ATG10: variants seen among roughly 807,000 people sequenced by gnomAD.
ATG10 encodes ubiquitin-like-conjugating enzyme ATG10.
Under a neutral mutation model 32.1 loss-of-function variants are expected in ATG10, and 30 were observed. That is an observed-to-expected ratio of 0.94 (90% CI 0.70 to 1.27). The LOEUF (loss-of-function observed/expected upper bound fraction) is 1.27, where lower values mean the gene tolerates loss of function less well. ATG10 is among the 50% of genes most tolerant of loss of function. The pLI, the probability that ATG10 is intolerant of heterozygous loss-of-function variation, is 0.00. For missense variants in ATG10, 233 were observed against 262.3 expected, an observed-to-expected ratio of 0.89 and a Z score of 0.77; for synonymous variants, 87 against 91.5, an observed-to-expected ratio of 0.95 and a Z score of 0.28.
At chr5:82,153,080 A>T (rs1437725914) in intron 3 of ATG10, among the ~76,000 whole-genome samples, 9 of 152,232 alleles carry the variant, frequency 5.9e-5, no homozygotes, top group Admixed American at 2.6e-4. Flanking sequence ...AAGTCTGCCA[A>T]CTGGATAAGG....
At chr5:82,185,802 CTCTAGTAATAA>C (rs1185356842) in intron 5 of ATG10, among the ~76,000 whole-genome samples, 1 of 152,118 alleles carries the variant, frequency 6.6e-6, no homozygotes, top group Admixed American at 6.6e-5. Context: ...ATTGTGCTTC[CTCTAGTAATAA>C]TCTTAAGTGC....
chr5:82,083,788 A>C (rs2149785185), intron 3 of ATG10, among the ~76,000 whole-genome samples: 1 of 152,346 alleles, frequency 6.6e-6, no homozygotes, highest in Non-Finnish European at 1.5e-5. Context: ...AAAATGAACA[A>C]ACAGAAAGGA....
chr5:82,173,740 CGAA>C (rs760751135), intron 4 of ATG10, among the ~76,000 whole-genome samples: 3 of 152,086 alleles, frequency 2.0e-5, no homozygotes, highest in African/African-American at 4.8e-5. Flanking sequence ...GGATCTGAAA[CGAA>C]GGAGTTGTTG....
chr5:82,131,304 T>G (rs2149841904), intron 3 of ATG10, among the ~76,000 whole-genome samples: 1 of 152,318 alleles, frequency 6.6e-6, no homozygotes, highest in South Asian at 2.1e-4. Context: ...CAAATCTTCA[T>G]TCTGGCATGT....
intron 3 of ATG10, among the ~76,000 whole-genome samples, chr5:82,162,167 G>A (rs13435939): frequency 0.13 from 19,134 of 151,752 alleles, 1,566 homozygotes; most frequent in African/African-American, 0.23. Flanking sequence ...TATTATTTCC[G>A]ATGTACAAAG....
At chr5:82,137,570 C>T (rs899727367) in intron 3 of ATG10, among the ~76,000 whole-genome samples, 14 of 152,216 alleles carry the variant, frequency 9.2e-5, no homozygotes, top group Non-Finnish European at 2.1e-4. Flanking sequence ...AGATTGCTGC[C>T]TGCTTTTTCT....
At chr5:82,133,121 A>G (rs1465228294) in intron 3 of ATG10, among the ~76,000 whole-genome samples, 1 of 152,134 alleles carries the variant, frequency 6.6e-6, no homozygotes, top group Non-Finnish European at 1.5e-5. Context: ...AGTTCTTTGT[A>G]GATTCTGGAT....
At chr5:82,029,227 A>C (rs757772348) in intron 2 of ATG10, among the ~76,000 whole-genome samples, 3 of 152,210 alleles carry the variant, frequency 2.0e-5, no homozygotes, top group Non-Finnish European at 2.9e-5. Context: ...ATTTGGAGAA[A>C]AGTGATAAAT....
At chr5:81,987,345 G>A (rs1230689087) in intron 1 of ATG10, among the ~76,000 whole-genome samples, 3 of 152,094 alleles carry the variant, frequency 2.0e-5, no homozygotes, top group Non-Finnish European at 2.9e-5. Context: ...GGCTGGTCTC[G>A]AACTCCTGGG....
intron 3 of ATG10, among the ~76,000 whole-genome samples, chr5:82,123,536 A>G (rs1054310562): frequency 6.6e-6 from 1 of 152,036 alleles, no homozygotes; most frequent in Non-Finnish European, 1.5e-5. Flanking sequence ...AAAAAAAAAA[A>G]AGCATAATTA....
At chr5:82,115,863 A>G (rs935530054) in intron 3 of ATG10, among the ~76,000 whole-genome samples, 3 of 152,090 alleles carry the variant, frequency 2.0e-5, no homozygotes, top group African/African-American at 2.4e-5. Flanking sequence ...AGCTTGGGAA[A>G]GAAACCAGAG....
At chr5:82,005,955 A>T (rs1205246141) in intron 2 of ATG10, among the ~76,000 whole-genome samples, 1 of 152,162 alleles carries the variant, frequency 6.6e-6, no homozygotes, top group Non-Finnish European at 1.5e-5. Flanking sequence ...TATAATTTGA[A>T]GTATACGTGG....
intron 5 of ATG10, among the ~76,000 whole-genome samples, chr5:82,211,983 C>T (rs1189539687): frequency 6.6e-6 from 1 of 152,204 alleles, no homozygotes; most frequent in Non-Finnish European, 1.5e-5. Flanking sequence ...AAAAATCACA[C>T]AACCCCCTTG....
chr5:82,050,839 C>CAAAAAAAAAAAAAAAA, intron 2 of ATG10, among the ~76,000 whole-genome samples: 1 of 36,272 alleles, frequency 2.8e-5, no homozygotes, highest in Non-Finnish European at 4.6e-5. Flanking sequence ...CCATCTCTAC[C>CAAAAAAAAAAAAAAAA]AAAAAAAAAA....
chr5:82,132,721 G>A (rs1257269471), intron 3 of ATG10, among the ~76,000 whole-genome samples: 1 of 152,090 alleles, frequency 6.6e-6, no homozygotes, highest in Non-Finnish European at 1.5e-5. Flanking sequence ...ACATACGTGT[G>A]TGTGTGTCTT....
At chr5:82,207,526 A>G (rs1425895483) in intron 5 of ATG10, among the ~76,000 whole-genome samples, 2 of 152,100 alleles carry the variant, frequency 1.3e-5, no homozygotes, top group Non-Finnish European at 2.9e-5. Flanking sequence ...AATTTGAGGT[A>G]TGAGTTCTTT....
chr5:82,193,641 A>G (rs947074183), intron 5 of ATG10, among the ~76,000 whole-genome samples: 2 of 152,242 alleles, frequency 1.3e-5, no homozygotes, highest in African/African-American at 2.4e-5. Context: ...AATTGTAAGC[A>G]GCTGTTAAAG....
intron 3 of ATG10, among the ~76,000 whole-genome samples, chr5:82,109,443 G>C (rs1304613108): frequency 6.6e-6 from 1 of 151,886 alleles, no homozygotes; most frequent in Non-Finnish European, 1.5e-5. Flanking sequence ...CTCACACCTT[G>C]GGCTGAAATC....
At chr5:82,046,315 G>A (rs1215846803) in intron 2 of ATG10, among the ~76,000 whole-genome samples, 2 of 152,178 alleles carry the variant, frequency 1.3e-5, no homozygotes, top group African/African-American at 4.8e-5. Context: ...GCTGGATTAG[G>A]GTGAGTCCTA....
Sources: gnomAD v4.1 joint callset for allele counts (sites outside exome capture counted in the v4.1 genomes callset) on GRCh38, gnomAD v4.1.1 for gene constraint, MANE v1.5 for transcripts, NCBI Gene and HGNC (gene_info 2026-07-23, HGNC 2026-07-21) for gene names.